ANO3: variants seen among roughly 807,000 people sequenced by gnomAD.
The protein encoded by ANO3 is anoctamin-3.
ANO3 carries 99 observed loss-of-function variants against 144.8 expected under a neutral mutation model. The ratio of observed to expected loss-of-function variants is 0.68; its 90% confidence interval spans 0.58 to 0.81. The LOEUF is 0.81. ANO3 is among the 30% of genes least tolerant of loss of function. The pLI, the probability that ANO3 is intolerant of heterozygous loss-of-function variation, is 0.00. For synonymous variants in ANO3, 414 were observed against 392.6 expected (o/e 1.05, Z -0.64); for missense variants, 905 against 1,202.2 (o/e 0.75, Z 3.66).
At chr11:26,608,150 G>A (rs894972292) in intron 17 of ANO3, among the ~76,000 whole-genome samples, 3 of 152,106 alleles carry the variant, frequency 2.0e-5, no homozygotes, top group Admixed American at 6.5e-5. Flanking sequence ...TGATACTGTC[G>A]TTCTTGCTTT....
At chr11:26,535,191 A>G (rs1305788126) in intron 9 of ANO3, among the ~76,000 whole-genome samples, 3 of 152,224 alleles carry the variant, frequency 2.0e-5, no homozygotes, top group Admixed American at 1.3e-4. Flanking sequence ...CTAGAAGAAT[A>G]TGTAAGAAAC....
At chr11:26,374,660 C>G (rs555495980) in intron 1 of ANO3, among the ~76,000 whole-genome samples, 2 of 152,320 alleles carry the variant, frequency 1.3e-5, no homozygotes, top group Admixed American at 1.3e-4. Flanking sequence ...CTATCTCCAG[C>G]CTTGTTGACA....
chr11:26,583,470 C>T (rs1483314451), intron 14 of ANO3, among the ~76,000 whole-genome samples: 2 of 152,186 alleles, frequency 1.3e-5, no homozygotes, highest in Non-Finnish European at 2.9e-5. Flanking sequence ...CCAGATATTG[C>T]GCTGTGTCAA....
chr11:26,461,777 T>G (rs1227358981), intron 3 of ANO3, among the ~76,000 whole-genome samples: 1 of 152,076 alleles, frequency 6.6e-6, no homozygotes, highest in African/African-American at 2.4e-5. Context: ...ATGTTCCATG[T>G]TCCTTTTTTG....
chr11:26,384,291 G>A (rs1007090665), intron 1 of ANO3, among the ~76,000 whole-genome samples: 6 of 151,812 alleles, frequency 4.0e-5, no homozygotes, highest in Admixed American at 1.3e-4. Context: ...TTGTTAAATC[G>A]GCAATAGATG....
At chr11:26,641,783 C>G in intron 21 of ANO3, 113 bp from the exon 22 acceptor site, 1 of 1,133,012 alleles carries the variant, frequency 8.8e-7, no homozygotes, top group Non-Finnish European at 1.2e-6. Flanking sequence ...AAACCAAATA[C>G]CTCCAATTCC....
rs61094091 is a variant in ANO3 at position 26,383,888 on chromosome 11, C to CTTTTT, written c.46+51590_46+51594dup. On this transcript the variant is annotated intron_variant, in intron 1 of 26. Coordinates refer to ENST00000256737, the MANE Select transcript of ANO3 (RefSeq NM_031418.4). ...CATTGTTCTTGTGCCATGCATTGTT[C>CTTTTT]TTTTTTTTTTTTTTTTTTTTTTTTT... Among the ~76,000 whole-genome samples, 69 of 70,170 alleles carry CTTTTT rather than the reference C, an allele frequency of 9.8e-4. 17 individuals carry two copies. The highest frequency in any genetic ancestry group is 1.7e-3 in the South Asian group (2 of 1,200). 46.0% of individuals were successfully genotyped at this position (70,170 alleles called of 152,430 possible). A position where few individuals can be genotyped will look rare whatever the true frequency, so the allele number is the denominator to read the frequency against.
chr11:26,325,349 C>A (rs376249414), intron 1 of ANO3, among the ~76,000 whole-genome samples: 22 of 152,120 alleles, frequency 1.4e-4, no homozygotes, highest in African/African-American at 5.3e-4. Context: ...AAATACACAG[C>A]TTTCTCCTGT....
chr11:26,472,504 C>T (rs565781804), intron 4 of ANO3, among the ~76,000 whole-genome samples: 2 of 151,954 alleles, frequency 1.3e-5, no homozygotes, highest in Admixed American at 1.3e-4. Context: ...GAATTATATA[C>T]AGGGACCATG....
chr11:26,646,011 C>A (rs1484718723), intron 23 of ANO3, among the ~76,000 whole-genome samples: 2 of 152,146 alleles, frequency 1.3e-5, no homozygotes, highest in African/African-American at 2.4e-5. Context: ...TCAAGCCAGA[C>A]AACACGAAAG....
At chr11:26,366,810 C>T (rs1241267353) in intron 1 of ANO3, among the ~76,000 whole-genome samples, 1 of 139,588 alleles carries the variant, frequency 7.2e-6, no homozygotes, top group East Asian at 2.1e-4. Flanking sequence ...CCTTTGCCCA[C>T]TTTTTGATGG....
rs531973076 is a variant in ANO3, at chr11:26,523,032, T to C, written c.693-2603T>C. ...GGTTTAATTGACTCACAATTCTGCA[T>C]GGCTGGAAAGGCCTTGGAAAGCTTA... On this transcript the variant is annotated intron_variant, in intron 6 of 26. Transcript: ENST00000256737. Among the ~76,000 whole-genome samples, 9 of 152,324 alleles carry C rather than the reference T, an allele frequency of 5.9e-5. No homozygotes were observed. The South Asian group carries it at 1.7e-3, about 28-fold the overall frequency.
intron 1 of ANO3, among the ~76,000 whole-genome samples, chr11:26,284,735 TA>T (rs58634244): frequency 0.17 from 24,542 of 148,354 alleles, 2,285 homozygotes; most frequent in African/African-American, 0.26. Flanking sequence ...CCGTCTCTAC[TA>T]AAAAAAAAAT....
chr11:26,504,237 T>G (rs994334651), intron 4 of ANO3, among the ~76,000 whole-genome samples: 9 of 148,876 alleles, frequency 6.0e-5, no homozygotes, highest in African/African-American at 2.2e-4. Context: ...CTATTATAAA[T>G]GTCAGAAGGG....
intron 1 of ANO3, among the ~76,000 whole-genome samples, chr11:26,205,276 G>T (rs1658970216): frequency 6.6e-6 from 1 of 152,136 alleles, no homozygotes; most frequent in Non-Finnish European, 1.5e-5. Flanking sequence ...AACTGGAGAA[G>T]AGAGAAAATC....
intron 17 of ANO3, among the ~76,000 whole-genome samples, chr11:26,619,762 C>A (rs1177007612): frequency 6.6e-6 from 1 of 152,122 alleles, no homozygotes; most frequent in Non-Finnish European, 1.5e-5. Context: ...CCACTGCGCC[C>A]GGCCAAAAAA....
Position 26,243,478 on chromosome 11 carries a change from G to A in ANO3, c.154+54148G>A, listed in dbSNP as rs1238721445. Among the ~76,000 whole-genome samples the A allele has an allele frequency of 4.0e-5, 6 of 150,040 alleles. No homozygotes were observed. The South Asian group carries it at 1.3e-3, about 32-fold the overall frequency. On this transcript the variant is annotated intron_variant, in intron 1 of 27. Coordinates refer to the ANO3 transcript ENST00000672621. ...GCTGCAATAAAGAAAAAAAAAAGAGGAATCTACACAATTGCAGAGATTTAT... is the reference window on the plus strand; with the variant it reads ...GCTGCAATAAAGAAAAAAAAAAGAGAAATCTACACAATTGCAGAGATTTAT...
chr11:26,405,964 T>A (rs565426259), intron 1 of ANO3, among the ~76,000 whole-genome samples: 1 of 151,866 alleles, frequency 6.6e-6, no homozygotes, highest in Non-Finnish European at 1.5e-5. Flanking sequence ...TTTCCAGTGG[T>A]ATTTTTACAT....
chr11:26,353,348 TTTTTCAGGGTC>T (rs546248844), intron 1 of ANO3, among the ~76,000 whole-genome samples: 260 of 152,286 alleles, frequency 1.7e-3, no homozygotes, highest in Non-Finnish European at 2.8e-3. Flanking sequence ...CCACATTCTG[TTTTTCAGGGTC>T]TTATCGTCCC....
Sources: allele counts gnomAD v4.1 joint callset (sites outside exome capture counted in the v4.1 genomes callset), GRCh38; gene constraint gnomAD v4.1.1; transcripts MANE v1.5; gene names NCBI Gene and HGNC (gene_info 2026-07-23, HGNC 2026-07-21).